Variants in CA4 observed in about 807,000 individuals in gnomAD.
CA4 encodes CA-IV.
In CA4, 24 loss-of-function variants were observed where a neutral mutation model predicts 34.5. The observed-to-expected ratio is 0.70, with a 90% CI of 0.50 to 0.98. CA4 has a LOEUF of 0.98. Among genes scored for constraint, CA4 ranks in the 50% least tolerant of loss-of-function variants. CA4 has a pLI of 0.00. For missense variants in CA4, 394 were observed against 396.7 expected (o/e 0.99, Z 0.06); for synonymous variants, 178 against 170.6 (o/e 1.04, Z -0.34).
At chr17:60,171,235 C>T (rs1224401380), downstream of CA4, among the ~76,000 whole-genome samples, 7 of 152,170 alleles carry the variant, frequency 4.6e-5, no homozygotes, top group African/African-American at 1.7e-4. Context: ...TTAGCCCTCT[C>T]CTTTCCCCCA....
At chr17:60,177,229 C>T in the CA4 span, among the ~76,000 whole-genome samples, 524 of 152,330 alleles carry the variant, frequency 3.4e-3, 2 homozygotes, top group African/African-American at 0.012. Context: ...AAAAACGGCA[C>T]ATGGAGGCAT....
downstream of CA4, among the ~76,000 whole-genome samples, chr17:60,162,546 TACACACAC>T (rs770876140): frequency 9.8e-5 from 13 of 132,138 alleles, no homozygotes; most frequent in Non-Finnish European, 1.3e-4. Context: ...CTGCATGGGG[TACACACAC>T]ACACACACAC....
chr17:60,176,908 C>T, the CA4 span, among the ~76,000 whole-genome samples: 19 of 152,306 alleles, frequency 1.2e-4, no homozygotes, highest in African/African-American at 4.6e-4. Context: ...AGGGTTCGTT[C>T]TCCTGTGAGA....
intron 5 of CA4, among the ~76,000 whole-genome samples, chr17:60,166,726 G>C (rs1314079257): frequency 6.6e-6 from 1 of 152,030 alleles, no homozygotes; most frequent in Non-Finnish European, 1.5e-5. Context: ...GAGGCCAAGG[G>C]GGGGGCGGAT....
chr17:60,178,860 A>G, the CA4 span, among the ~76,000 whole-genome samples: 7 of 152,214 alleles, frequency 4.6e-5, no homozygotes, highest in Non-Finnish European at 1.0e-4. Flanking sequence ...AGACAACATT[A>G]TAATTGTTTG....
chr17:60,157,606 G>A lies in CA4; in HGVS notation c.414+34G>A, dbSNP rs370425226. 1.9e-6 allele frequency: 3 copies of A among 1,613,974 alleles called. No homozygotes were observed. The African/African-American group carries it at 4.0e-5, about 22-fold the overall frequency. ...CCCTTCCCGACTGGGACCTTGTCTG[G>A]GCTCTGGGCGCGCACCTGCCTTGGG... On this transcript the variant is annotated intron_variant, in intron 4 of 7. Coordinates refer to ENST00000300900, the MANE Select transcript of CA4 (RefSeq NM_000717.5).
chr17:60,157,976 C>T, intron 5 of CA4, 85 bp from the exon 6 acceptor site: 2 of 1,574,138 alleles, frequency 1.3e-6, no homozygotes, highest in Non-Finnish European at 8.6e-7. Flanking sequence ...GCTGCCTGGC[C>T]TTCCGCCCCC....
chr17:60,159,016 G>A (rs2083747297), intron 7 of CA4: 2 of 609,556 alleles, frequency 3.3e-6, no homozygotes, highest in Non-Finnish European at 3.0e-6. Flanking sequence ...GTGAGTGAAA[G>A]GAAGCCAATG....
chr17:60,163,257 G>A (rs563933917), downstream of CA4, among the ~76,000 whole-genome samples: 208 of 152,214 alleles, frequency 1.4e-3, 1 homozygote, highest in African/African-American at 4.7e-3. Flanking sequence ...ACTCCAGGGG[G>A]CGCCTATACC....
At chr17:60,166,192 C>T (rs1260008728) in intron 5 of CA4, among the ~76,000 whole-genome samples, 2 of 152,218 alleles carry the variant, frequency 1.3e-5, no homozygotes, top group East Asian at 3.9e-4. Context: ...GCATTGGAGG[C>T]CCATCTGCCT....
chr17:60,155,361 T>G lies in CA4; in HGVS notation c.106T>G (p.Cys36Gly). 6.2e-7 allele frequency: 1 copy of G among 1,609,158 alleles called. No individual in the cohort carries two copies. The highest frequency in any genetic ancestry group is 1.1e-5 in the South Asian group (1 of 89,942). ...EVQAESSNYP[C>G]LVPVKWGGNC... ...TCAAGCCGAGTCCTCCAACTACCCC[T>G]GCTTGGGTGAGTACAGCCAGTCCAG... Residue 36 changes from cysteine to glycine, a missense_variant, in exon 2 of 8, where the codon TGC (cysteine) becomes GGC (glycine). Coordinates refer to ENST00000300900, the MANE Select transcript of CA4 (RefSeq NM_000717.5).
chr17:60,171,640 G>GTGAC (rs2083911424), downstream of CA4, among the ~76,000 whole-genome samples: 1 of 152,178 alleles, frequency 6.6e-6, no homozygotes, highest in Admixed American at 6.5e-5. Context: ...ATGCTTAGAG[G>GTGAC]TGACAGGTGC....
intron 5 of CA4, among the ~76,000 whole-genome samples, chr17:60,168,219 T>G (rs1259590278): frequency 5.2e-4 from 19 of 36,694 alleles, no homozygotes; most frequent in African/African-American, 9.2e-4. Context: ...TGGGGGGGCG[T>G]GGGGAAGGGT....
At chr17:60,164,190 T>A (rs759712661), downstream of CA4, among the ~76,000 whole-genome samples, 11 of 139,200 alleles carry the variant, frequency 7.9e-5, no homozygotes, top group Admixed American at 1.4e-4. Context: ...CTCTTTCTCT[T>A]TTTCTTTCTT....
chr17:60,175,803 A>G (rs1487060191), downstream of CA4, among the ~76,000 whole-genome samples: 1 of 150,192 alleles, frequency 6.7e-6, no homozygotes, highest in African/African-American at 2.5e-5. Context: ...CTGATTGAAC[A>G]TGTTTCATTT....
intron 5 of CA4, 108 bp from the exon 6 acceptor site, chr17:60,157,953 C>T (rs1449975608): frequency 6.4e-7 from 1 of 1,560,634 alleles, no homozygotes; most frequent in Non-Finnish European, 8.7e-7. Flanking sequence ...AGCCCAGAGC[C>T]TCAATCCCAG....
At chr17:60,178,452 A>C in the CA4 span, among the ~76,000 whole-genome samples, 3 of 152,150 alleles carry the variant, frequency 2.0e-5, no homozygotes, top group Admixed American at 2.0e-4. Context: ...GGTGCAGAAT[A>C]CATTTCTGAG....
At chr17:60,172,934 G>C (rs2083924263), downstream of CA4, among the ~76,000 whole-genome samples, 1 of 151,918 alleles carries the variant, frequency 6.6e-6, no homozygotes, top group South Asian at 2.1e-4. Context: ...ACCTGAGGCT[G>C]GGAGTTCAAG....
chr17:60,163,196 G>A (rs1471871460), downstream of CA4, among the ~76,000 whole-genome samples: 1 of 152,002 alleles, frequency 6.6e-6, no homozygotes, highest in Non-Finnish European at 1.5e-5. Flanking sequence ...CAGAGTCGTG[G>A]GGGCTGTGTG....
Sources: gnomAD v4.1 joint callset for allele counts (sites outside exome capture counted in the v4.1 genomes callset) on GRCh38, gnomAD v4.1.1 for gene constraint, MANE v1.5 for transcripts, NCBI Gene and HGNC (gene_info 2026-07-23, HGNC 2026-07-21) for gene names.